CNGB3: variants seen among roughly 807,000 people sequenced by gnomAD.
CNGB3 encodes cyclic nucleotide gated channel subunit beta 3.
In CNGB3, 86 loss-of-function variants were observed where a neutral mutation model predicts 92.8. That is an observed-to-expected ratio of 0.93 (90% CI 0.78 to 1.11). CNGB3 has a LOEUF of 1.11. Ranked by LOEUF, CNGB3 falls within the 50% of genes least tolerant of loss-of-function variation. CNGB3 has a pLI of 0.00. For missense variants in CNGB3, 1,026 were observed against 956.8 expected, an observed-to-expected ratio of 1.07 and a Z score of -0.95; for synonymous variants, 333 against 332.7, an observed-to-expected ratio of 1.00 and a Z score of -0.01.
intron 3 of CNGB3, among the ~76,000 whole-genome samples, chr8:86,709,791 T>A (rs1015922072): frequency 6.6e-6 from 1 of 152,078 alleles, no homozygotes; most frequent in Admixed American, 6.6e-5. Flanking sequence ...TGAAAAAAAT[T>A]CCTATATTTA....
Position 86,680,194 on chromosome 8 carries a change from C to T in CNGB3, c.339-9096G>A, listed in dbSNP as rs777763880. Among the ~76,000 whole-genome samples the T allele has an allele frequency of 3.9e-5, 6 of 152,004 alleles. No individual in the cohort carries two copies. The South Asian group carries it at 6.2e-4, about 16-fold the overall frequency. On this transcript the variant is annotated intron_variant, in intron 3 of 17. Coordinates refer to ENST00000320005, the MANE Select transcript of CNGB3 (RefSeq NM_019098.5). ...ATATTAGGCCAAATGCCATACATCC[C>T]GAGATGACAGAAAAAAATGTTGTGA... is the stretch of plus-strand genomic sequence containing the variant.
At chr8:86,596,540 T>C (rs1585958323) in intron 15 of CNGB3, among the ~76,000 whole-genome samples, 1 of 152,180 alleles carries the variant, frequency 6.6e-6, no homozygotes, top group Non-Finnish European at 1.5e-5. Context: ...TTCACAAAGA[T>C]AGAAAGATAA....
chr8:86,688,734 TTTTG>T (rs932670184), intron 3 of CNGB3, among the ~76,000 whole-genome samples: 6 of 152,022 alleles, frequency 3.9e-5, no homozygotes, highest in African/African-American at 1.4e-4. Context: ...GGTTTGTTGA[TTTTG>T]TTTATCTTTT....
At chr8:86,601,398 A>G (rs1822295430) in intron 15 of CNGB3, among the ~76,000 whole-genome samples, 1 of 152,140 alleles carries the variant, frequency 6.6e-6, no homozygotes, top group Non-Finnish European at 1.5e-5. Context: ...CACTCTTCAG[A>G]TGATAATTGG....
chr8:86,631,475 T>G (rs188005176), intron 11 of CNGB3, among the ~76,000 whole-genome samples: 8 of 152,324 alleles, frequency 5.3e-5, no homozygotes, highest in Admixed American at 3.9e-4. Context: ...CAGGGATGCC[T>G]CTTAATCTCT....
chr8:86,722,946 C>T (rs1418268641), intron 3 of CNGB3, among the ~76,000 whole-genome samples: 1 of 152,134 alleles, frequency 6.6e-6, no homozygotes, highest in Non-Finnish European at 1.5e-5. Context: ...TCTCAGCCTC[C>T]ATAATCGCAT....
intron 16 of CNGB3, 95 bp downstream of exon 16, chr8:86,579,011 A>G: frequency 1.9e-6 from 3 of 1,567,142 alleles, no homozygotes; most frequent in Non-Finnish European, 2.6e-6. Flanking sequence ...CACTGTGATC[A>G]AGTTTATCAC....
Position 86,575,607 on chromosome 8 carries a change from G to C in CNGB3, c.*197C>G. The C allele has an allele frequency of 1.9e-6, 1 of 522,982 alleles. No homozygotes were observed. Among genetic ancestry groups the C allele is most frequent in the Non-Finnish European group, 3.4e-6 (1 of 297,870 alleles). 32.4% of individuals were successfully genotyped at this position (522,982 alleles called of 1,614,324 possible). A position where few individuals can be genotyped will look rare whatever the true frequency, so the allele number is the denominator to read the frequency against. On this transcript the variant is annotated 3_prime_UTR_variant, in exon 18 of 18. Transcript: ENST00000320005. The stretch of plus-strand genomic sequence containing the variant: ...ATAAAGTTAATGAAAACGGAGAATA[G>C]GGATGGCTTTTAATAATCTTCTTAT...
chr8:86,625,813 C>G (rs2131580155), intron 13 of CNGB3, among the ~76,000 whole-genome samples, 170 bp downstream of exon 13: 1 of 152,250 alleles, frequency 6.6e-6, no homozygotes, highest in East Asian at 1.9e-4. Context: ...AAGCCGTTGG[C>G]TGAAGAGAGA....
At chr8:86,712,201 G>A (rs1245010524) in intron 3 of CNGB3, among the ~76,000 whole-genome samples, 1 of 152,112 alleles carries the variant, frequency 6.6e-6, no homozygotes, top group Non-Finnish European at 1.5e-5. Flanking sequence ...AGTCATCAGA[G>A]AAAGTGGCAA....
chr8:86,604,137 T>A lies in CNGB3; in HGVS notation c.1737A>T (p.Lys579Asn). The A allele has an allele frequency of 1.2e-6, 2 of 1,613,732 alleles. No homozygotes were observed. The highest frequency in any genetic ancestry group is 2.7e-5 in the African/African-American group (2 of 75,032). Residue 579 changes from lysine to asparagine, a missense_variant, in exon 15 of 18, where the codon AAA (lysine) becomes AAT (asparagine). By Grantham distance (94) the Lys-to-Asn change is moderately conservative. Transcript: ENST00000320005. ...VQVLGGPDGT[K>N]VLVTLKAGSV... The stretch of plus-strand genomic sequence containing the variant: ...ACCCAGCTTTCAGAGTAACCAGAAC[T>A]TTAGTACCATCAGGGCCTCCAAGAA...
At chr8:86,597,180 A>G (rs889037184) in intron 15 of CNGB3, among the ~76,000 whole-genome samples, 13 of 152,178 alleles carry the variant, frequency 8.5e-5, no homozygotes, top group African/African-American at 3.1e-4. Context: ...ATAAAAAACA[A>G]TGTGGCTTTT....
At chr8:86,730,511 C>A (rs1825139451) in intron 2 of CNGB3, among the ~76,000 whole-genome samples, 1 of 152,146 alleles carries the variant, frequency 6.6e-6, no homozygotes, top group Admixed American at 6.5e-5. Flanking sequence ...AATAAATCTC[C>A]TTTTATTAGG....
At position 86,629,107 on chromosome 8, in the gene CNGB3, C is replaced by A. The variant is rs372765477; in HGVS notation, c.1321-29G>T. The A allele has an allele frequency of 1.6e-5, 26 of 1,613,172 alleles. 1 individual carries two copies. In the African/African-American group the frequency reaches 3.2e-4, roughly 20 times the overall value. On this transcript the variant is annotated intron_variant, in intron 11 of 17. Transcript: ENST00000320005. ...AAACCACAAATATGGTCACTCCACGCCCAGCAGAGGAAATGAGTTAATAAA... is the reference window on the plus strand; with the variant it reads ...AAACCACAAATATGGTCACTCCACGACCAGCAGAGGAAATGAGTTAATAAA...
At chr8:86,724,101 G>A (rs1165393738) in intron 3 of CNGB3, among the ~76,000 whole-genome samples, 4 of 152,210 alleles carry the variant, frequency 2.6e-5, no homozygotes, top group African/African-American at 9.6e-5. Context: ...CCTGGCTGAT[G>A]AAATAATATG....
chr8:86,644,581 G>T, intron 9 of CNGB3, 41 bp downstream of exon 9: 1 of 1,593,454 alleles, frequency 6.3e-7, no homozygotes. Context: ...TTGTACCATT[G>T]CTTTTTCCCC....
intron 14 of CNGB3, 100 bp from the exon 15 acceptor site, chr8:86,604,311 T>C (rs1162495943): frequency 3.9e-6 from 3 of 765,632 alleles, no homozygotes. Flanking sequence ...TAAATATAAA[T>C]GAAGGAAGCA....
intron 12 of CNGB3, 79 bp downstream of exon 12, chr8:86,628,840 A>G: frequency 6.9e-7 from 1 of 1,458,776 alleles, no homozygotes; most frequent in East Asian, 2.3e-5. Context: ...TTCAAATCCA[A>G]CTAGTCTCTG....
intron 6 of CNGB3, chr8:86,659,874 GC>G: frequency 2.3e-6 from 1 of 429,026 alleles, no homozygotes; most frequent in Non-Finnish European, 4.6e-6. Flanking sequence ...AGCAGATGAT[GC>G]AGGGCCCTCC....
Sources: gnomAD v4.1 joint callset for allele counts (sites outside exome capture counted in the v4.1 genomes callset) on GRCh38, gnomAD v4.1.1 for gene constraint, MANE v1.5 for transcripts, NCBI Gene and HGNC (gene_info 2026-07-23, HGNC 2026-07-21) for gene names.